SPATA16: variants seen among roughly 807,000 people sequenced by gnomAD.
SPATA16 encodes spermatogenesis associated 16, also known as spermatogenesis-associated protein 16.
SPATA16 carries 36 observed loss-of-function variants against 63.3 expected under a neutral mutation model. That is an observed-to-expected ratio of 0.57 (90% CI 0.44 to 0.75). The LOEUF is 0.75. SPATA16 is among the 30% of genes least tolerant of loss of function. The pLI is 0.00. For synonymous variants in SPATA16, 203 were observed against 216.7 expected (o/e 0.94, Z 0.56); for missense variants, 646 against 679.3 (o/e 0.95, Z 0.54).
intron 1 of SPATA16, among the ~76,000 whole-genome samples, chr3:173,137,988 T>C (rs75183638): frequency 0.091 from 13,905 of 152,184 alleles, 891 homozygotes; most frequent in Non-Finnish European, 0.13. Flanking sequence ...TTTCCAAATG[T>C]CTGTTCAACA....
At chr3:172,891,251 A>G (rs1731889476) in intron 10 of SPATA16, among the ~76,000 whole-genome samples, 1 of 152,210 alleles carries the variant, frequency 6.6e-6, no homozygotes, top group African/African-American at 2.4e-5. Context: ...GCTTCCTTCA[A>G]TAAGACAGTG....
At chr3:172,893,954 T>A (rs915589930) in intron 10 of SPATA16, among the ~76,000 whole-genome samples, 3 of 152,212 alleles carry the variant, frequency 2.0e-5, no homozygotes, top group Admixed American at 6.5e-5. Context: ...ATTTTTTTTT[T>A]AATTAAAGCT....
chr3:173,042,900 A>C (rs1364099130), intron 3 of SPATA16, among the ~76,000 whole-genome samples: 1 of 152,112 alleles, frequency 6.6e-6, no homozygotes, highest in African/African-American at 2.4e-5. Flanking sequence ...AAGGTTTTAA[A>C]ATTTTTGAAA....
At chr3:173,063,916 T>A (rs1056595672) in intron 2 of SPATA16, among the ~76,000 whole-genome samples, 15 of 152,250 alleles carry the variant, frequency 9.9e-5, no homozygotes, top group African/African-American at 3.6e-4. Context: ...GATTCGTGAA[T>A]TGGGCAGCCT....
chr3:173,070,270 C>T (rs1736636416), intron 2 of SPATA16, among the ~76,000 whole-genome samples: 1 of 151,948 alleles, frequency 6.6e-6, no homozygotes, highest in Non-Finnish European at 1.5e-5. Context: ...TGGCTCACAC[C>T]TGTAATCCCA....
At chr3:173,077,333 C>G (rs563501318) in intron 2 of SPATA16, among the ~76,000 whole-genome samples, 1 of 151,698 alleles carries the variant, frequency 6.6e-6, no homozygotes, top group African/African-American at 2.4e-5. Flanking sequence ...AGAAAAAAAC[C>G]CTATTGTTTT....
chr3:172,938,019 G>A (rs1293003259), intron 6 of SPATA16, among the ~76,000 whole-genome samples: 1 of 152,138 alleles, frequency 6.6e-6, no homozygotes, highest in Non-Finnish European at 1.5e-5. Context: ...CTCAGATGAA[G>A]CAGCTGATAT....
intron 2 of SPATA16, among the ~76,000 whole-genome samples, chr3:173,067,604 G>GA (rs1374314828): frequency 3.3e-5 from 5 of 150,768 alleles, no homozygotes; most frequent in Middle Eastern, 3.4e-3. Flanking sequence ...TGAAAGTTGG[G>GA]AAAAAAAAGA....
chr3:173,127,290 C>T (rs1738250525), intron 1 of SPATA16, among the ~76,000 whole-genome samples: 1 of 152,126 alleles, frequency 6.6e-6, no homozygotes, highest in African/African-American at 2.4e-5. Flanking sequence ...CCCCTTAAAG[C>T]TTCAGTGCAC....
chr3:172,906,500 G>A (rs1025426124), intron 10 of SPATA16, among the ~76,000 whole-genome samples: 1 of 152,160 alleles, frequency 6.6e-6, no homozygotes, highest in African/African-American at 2.4e-5. Context: ...GACAAACTGG[G>A]CTGGTTTATA....
At chr3:172,905,539 A>G (rs1362966196) in intron 10 of SPATA16, among the ~76,000 whole-genome samples, 1 of 152,140 alleles carries the variant, frequency 6.6e-6, no homozygotes, top group Non-Finnish European at 1.5e-5. Flanking sequence ...CCAAATTTGT[A>G]TTCTCTCCTG....
chr3:173,040,654 A>G (rs1041347503), intron 3 of SPATA16, among the ~76,000 whole-genome samples: 7 of 152,206 alleles, frequency 4.6e-5, no homozygotes, highest in African/African-American at 1.7e-4. Flanking sequence ...TAAAGATGGT[A>G]TGATTTTCAT....
rs1193462257 is a variant in SPATA16 at position 172,916,319 on chromosome 3, A to G, written c.1501T>C (p.Leu501=). ...LQDISQQEAE[L]LQSLMADAMD... is the part of the protein sequence containing the mutation. The stretch of plus-strand genomic sequence containing the variant: ...CTTAAACAAAGAAAAATACTTACCA[A>G]TTCTGCCTCCTGTTGACTGATGTCC... The change falls in exon 9 of 11, where the codon TTG becomes CTG. Residue 501 remains leucine (L), a splice_region_variant and synonymous_variant. Coordinates refer to ENST00000351008, the MANE Select transcript of SPATA16 (RefSeq NM_031955.6). 4 of 1,613,260 alleles carry G rather than the reference A, an allele frequency of 2.5e-6. No homozygotes were observed. The highest frequency in any genetic ancestry group is 2.2e-5 in the East Asian group (1 of 44,850).
In SPATA16 at chr3:172,961,062, T is replaced by C. The variant is rs1339836836; in HGVS notation, c.934-4238A>G. Among the ~76,000 whole-genome samples the C allele has an allele frequency of 1.4e-4, 5 of 37,006 alleles. 1 individual carries two copies. Among genetic ancestry groups the C allele is most frequent in the Non-Finnish European group, 2.8e-4 (5 of 17,658 alleles). 24.3% of individuals were successfully genotyped at this position (37,006 alleles called of 152,430 possible). On this transcript the variant is annotated intron_variant, in intron 5 of 10. Transcript: ENST00000351008. ...TTTCTTTCTTTCTTCTTTCTTTCTTTCTTCTTTCTTCCTTCCTTCCTTCCT... is the reference window on the plus strand; with the variant it reads ...TTTCTTTCTTTCTTCTTTCTTTCTTCCTTCTTTCTTCCTTCCTTCCTTCCT...
At chr3:172,966,144 T>C (rs1733915432) in intron 5 of SPATA16, among the ~76,000 whole-genome samples, 1 of 152,232 alleles carries the variant, frequency 6.6e-6, no homozygotes, top group African/African-American at 2.4e-5. Flanking sequence ...TATATGTTTC[T>C]ATGTGCTTTG....
intron 6 of SPATA16, among the ~76,000 whole-genome samples, chr3:172,941,040 A>C (rs1424384387): frequency 6.6e-6 from 1 of 152,138 alleles, no homozygotes; most frequent in African/African-American, 2.4e-5. Flanking sequence ...TCTCAAGAGA[A>C]CTTCTAGGAG....
At chr3:172,987,129 T>A (rs1282659439) in intron 4 of SPATA16, among the ~76,000 whole-genome samples, 2 of 152,322 alleles carry the variant, frequency 1.3e-5, no homozygotes, top group East Asian at 3.9e-4. Flanking sequence ...AACTGACTTC[T>A]TTCCTTTTCC....
chr3:172,979,909 A>G (rs1734258831), intron 4 of SPATA16, among the ~76,000 whole-genome samples: 1 of 152,232 alleles, frequency 6.6e-6, no homozygotes, highest in Non-Finnish European at 1.5e-5. Context: ...GATATATTTC[A>G]TAAGTATGAT....
chr3:172,913,160 CG>C (rs1484513702), intron 10 of SPATA16, among the ~76,000 whole-genome samples: 2 of 152,138 alleles, frequency 1.3e-5, no homozygotes, highest in African/African-American at 2.4e-5. Context: ...AGGTGCATCT[CG>C]GCACTTCCTG....
Sources: allele counts gnomAD v4.1 joint callset (sites outside exome capture counted in the v4.1 genomes callset), GRCh38; gene constraint gnomAD v4.1.1; transcripts MANE v1.5; gene names NCBI Gene and HGNC (gene_info 2026-07-23, HGNC 2026-07-21).